Variants in ZNF668 observed in about 807,000 individuals in gnomAD.
The protein encoded by ZNF668 is zinc finger protein 668.
In ZNF668, 10 loss-of-function variants were observed where a neutral mutation model predicts 40.3. The observed-to-expected ratio is 0.25, with a 90% CI of 0.15 to 0.42. The LOEUF is 0.42. Among genes scored for constraint, ZNF668 ranks in the 10% least tolerant of loss-of-function variants. The probability of loss-of-function intolerance (pLI) is 1.00; values close to 1 mark genes in which losing one functional copy is unlikely to be tolerated. For missense variants in ZNF668, 749 were observed against 904.6 expected (o/e 0.83, Z 2.21); for synonymous variants, 428 against 384.6 (o/e 1.11, Z -1.32).
At chr16:31,063,601 C>T (rs1017616339) in intron 2 of ZNF668, among the ~76,000 whole-genome samples, 6 of 152,230 alleles carry the variant, frequency 3.9e-5, no homozygotes, top group Admixed American at 1.3e-4. Context: ...CTGACCCAAT[C>T]CCATTCTCAG....
chr16:31,065,136 G>A, intron 1 of ZNF668: 1 of 1,001,956 alleles, frequency 1.0e-6, no homozygotes, highest in South Asian at 4.3e-5. Context: ...CACAACTCTG[G>A]TAATGGAGAA....
intron 1 of ZNF668, chr16:31,066,358 C>T (rs769863048): frequency 1.2e-4 from 117 of 985,256 alleles, no homozygotes; most frequent in Non-Finnish European, 1.3e-4. Flanking sequence ...CCACAAAACT[C>T]CATCTTATTC....
intron 1 of ZNF668, among the ~76,000 whole-genome samples, chr16:31,070,243 T>A (rs1005704739): frequency 2.0e-5 from 3 of 149,216 alleles, no homozygotes; most frequent in Non-Finnish European, 3.0e-5. Flanking sequence ...AGTCTTACTC[T>A]GTCCCCCAGG....
chr16:31,064,115 G>T lies in ZNF668; in HGVS notation c.345C>A (p.Pro115=). Residue 115 remains proline (P), a synonymous_variant, in exon 2 of 3, where the codon CCC becomes CCA. Coordinates refer to ENST00000300849, the MANE Select transcript of ZNF668 (RefSeq NM_024706.5). The stretch of plus-strand genomic sequence containing the variant: ...GCTGCATGAAGCGGCGGCCGCACTC[G>T]GGGCACGGAAAGGGCTTCTCCCCCG... ...SHTGEKPFPC[P]ECGRRFMQPV... 1 of 1,605,606 alleles carries T rather than the reference G, an allele frequency of 6.2e-7. No homozygotes were observed.
chr16:31,067,332 T>C (rs1345244716), intron 1 of ZNF668, among the ~76,000 whole-genome samples: 1 of 152,200 alleles, frequency 6.6e-6, no homozygotes, highest in Non-Finnish European at 1.5e-5. Context: ...TTACCCTTCA[T>C]GGCAACCCCA....
intron 1 of ZNF668, chr16:31,065,905 G>T: frequency 7.8e-6 from 3 of 386,772 alleles, no homozygotes; most frequent in Non-Finnish European, 3.5e-6. Flanking sequence ...GTTAGGGGTT[G>T]GTGGCTTCTA....
At position 31,061,689 on chromosome 16, in the gene ZNF668, G is replaced by C. The variant is rs753443157; in HGVS notation, c.1239C>G (p.Thr413=). 1 of 1,613,422 alleles carries C rather than the reference G, an allele frequency of 6.2e-7. No homozygotes were observed. The highest frequency in any genetic ancestry group is 8.5e-7 in the Non-Finnish European group (1 of 1,179,922). ...VSSSLRKHER[T]HRSSEAAGVP... The stretch of plus-strand genomic sequence containing the variant: ...CACCCGCGGCCTCACTGCTTCGATG[G>C]GTCCGCTCGTGCTTCCTCAGGCTCG... The change falls in exon 3 of 3, where the codon ACC becomes ACG. Residue 413 remains threonine (T), a synonymous_variant. Coordinates refer to ENST00000300849, the MANE Select transcript of ZNF668 (RefSeq NM_024706.5). This position sits in a 1 kb window ranked among gnomAD's most constrained non-coding sequence, Gnocchi z 7.7.
chr16:31,068,220 T>TAAAAAAAAAAAAA lies in ZNF668; in HGVS notation c.-22-3752_-22-3740dup, dbSNP rs767511878. ...AGGTCTCTGTCTAACATCCCACCATTAAAAAAAAAAAAAAAAAAAATATAT... is the reference window on the plus strand; with the variant it reads ...AGGTCTCTGTCTAACATCCCACCATTAAAAAAAAAAAAAAAAAAAAAAAAAAAAAAAAATATAT... On this transcript the variant is annotated intron_variant, in intron 1 of 2. Transcript: ENST00000300849. 2.6e-3 allele frequency among the ~76,000 whole-genome samples: 24 copies of TAAAAAAAAAAAAA among 9,376 alleles called. 9 individuals are homozygous for TAAAAAAAAAAAAA. Among genetic ancestry groups the TAAAAAAAAAAAAA allele is most frequent in the Admixed American group, 0.011 (4 of 348 alleles). The allele number at this position is 9,376 out of a possible 152,430, so 6.2% of individuals were successfully genotyped here.
In ZNF668 at chr16:31,061,781, T is replaced by A. The variant is rs1293106760; in HGVS notation, c.1147A>T (p.Ser383Cys). The change falls in exon 3 of 3, where the codon AGC (serine) becomes TGC (cysteine). Residue 383 changes from serine to cysteine, a missense_variant. Transcript: ENST00000300849. The surrounding 1 kb of genome is among the most constrained non-coding windows in gnomAD (Gnocchi z 7.7). ...GGGCGCTCCCCCGAGTGCACCCGGC[T>A]ATGCTTCGTGAGGCTGGCACGCTCG... ...FAERASLTKH[S>C]RVHSGERPFH... The A allele has an allele frequency of 1.2e-6, 2 of 1,610,460 alleles. No individual in the cohort carries two copies. Among genetic ancestry groups the A allele is most frequent in the Non-Finnish European group, 1.7e-6 (2 of 1,179,276 alleles).
rs1276350230 is a variant in ZNF668, at chr16:31,061,333, C to T, written c.1595G>A (p.Arg532His). The change falls in exon 3 of 3, where the codon CGT becomes CAT. Residue 532 changes from arginine to histidine, a missense_variant. This residue lies in a region of ZNF668 where 310 missense variants were observed against 355.1 expected (regional missense o/e 0.87). Coordinates refer to ENST00000300849, the MANE Select transcript of ZNF668 (RefSeq NM_024706.5). This position sits in a 1 kb window ranked among gnomAD's most constrained non-coding sequence, Gnocchi z 7.7. Reference protein sequence around the residue: ...KETFSTMTLLRRHERSHPELR... With the variant: ...KETFSTMTLLHRHERSHPELR... ...CTCCGGGTGTGAGCGCTCGTGCCGA[C>T]GCAGCAGCGTCATTGTGGAGAAGGT... 3 of 1,601,572 alleles carry T rather than the reference C, an allele frequency of 1.9e-6. No homozygotes were observed. The highest frequency in any genetic ancestry group is 1.1e-5 in the South Asian group (1 of 89,462).
chr16:31,068,354 C>G (rs2056993506), intron 1 of ZNF668, among the ~76,000 whole-genome samples: 1 of 146,196 alleles, frequency 6.8e-6, no homozygotes, highest in African/African-American at 2.5e-5. Context: ...TCCTGAGTAG[C>G]TGGGACTACA....
chr16:31,064,130 C>T lies in ZNF668; in HGVS notation c.330G>A (p.Lys110=). 3 of 1,607,246 alleles carry T rather than the reference C, an allele frequency of 1.9e-6. No individual in the cohort carries two copies. Among genetic ancestry groups the T allele is most frequent in the Non-Finnish European group, 2.5e-6 (3 of 1,178,382 alleles). Residue 110 remains lysine, a synonymous_variant, in exon 2 of 3, where the codon AAG becomes AAA. Coordinates refer to ENST00000300849, the MANE Select transcript of ZNF668 (RefSeq NM_024706.5). ...RSHGRSHTGE[K]PFPCPECGRR... is the part of the protein sequence containing the mutation. Reference sequence around the variant, plus strand: ...GGCCGCACTCGGGGCACGGAAAGGGCTTCTCCCCCGTGTGGCTGCGCCCGT... The same window carrying T: ...GGCCGCACTCGGGGCACGGAAAGGGTTTCTCCCCCGTGTGGCTGCGCCCGT...
In ZNF668 at chr16:31,061,220, G is replaced by C; in HGVS notation, c.1708C>G (p.Arg570Gly). 1 of 1,529,146 alleles carries C rather than the reference G, an allele frequency of 6.5e-7. No homozygotes were observed. The highest frequency in any genetic ancestry group is 2.3e-5 in the East Asian group (1 of 44,216). 94.7% of individuals were successfully genotyped at this position (1,529,146 alleles called of 1,614,324 possible). The change falls in exon 3 of 3, where the codon CGC becomes GGC. Residue 570 changes from arginine (R) to glycine (G), a missense_variant. Around this residue, in one of 4 missense-constraint regions of ZNF668, gnomAD observed 310 missense variants for 355.1 expected, o/e 0.87. Transcript: ENST00000300849. The surrounding 1 kb of genome is among the most constrained non-coding windows in gnomAD (Gnocchi z 7.7). ...RKHSRTHSSV[R>G]PYTCPHCPKA... Reference sequence around the variant, plus strand: ...GGACAATGGGGGCAGGTGTAGGGGCGCACTGAGCTGTGAGTGCGGCTGTGT... The same window carrying C: ...GGACAATGGGGGCAGGTGTAGGGGCCCACTGAGCTGTGAGTGCGGCTGTGT...
intron 1 of ZNF668, among the ~76,000 whole-genome samples, chr16:31,065,759 C>T (rs931878176): frequency 2.6e-5 from 4 of 151,484 alleles, no homozygotes; most frequent in Non-Finnish European, 4.4e-5. Flanking sequence ...GAGGCTGAGG[C>T]AGGAGAATGG....
intron 1 of ZNF668, chr16:31,065,939 G>A: frequency 1.1e-5 from 9 of 787,956 alleles, no homozygotes; most frequent in Non-Finnish European, 1.4e-5. Flanking sequence ...GGGTTCAGGA[G>A]GAGGAAACTG....
Position 31,063,805 on chromosome 16 carries a change from A to T in ZNF668, c.647+8T>A. The T allele has an allele frequency of 1.3e-6, 2 of 1,552,302 alleles. 1 individual carries two copies. The stretch of plus-strand genomic sequence containing the variant: ...CGGAAGGCGCCCTGCCCCGGAAGGC[A>T]CCCTCACCGCTCATGGTTGCGGAGG... On this transcript the variant is annotated splice_region_variant and intron_variant, in intron 2 of 2. Transcript: ENST00000300849.
intron 1 of ZNF668, among the ~76,000 whole-genome samples, chr16:31,068,236 A>AT (rs2056991185): frequency 1.1e-5 from 1 of 91,422 alleles, no homozygotes; most frequent in African/African-American, 5.4e-5. Flanking sequence ...AAAAAAAAAA[A>AT]AAAATATATA....
At chr16:31,070,135 G>T (rs924867861) in intron 1 of ZNF668, among the ~76,000 whole-genome samples, 11 of 151,572 alleles carry the variant, frequency 7.3e-5, no homozygotes, top group Admixed American at 7.2e-4. Context: ...GGCCAGGATG[G>T]TCTCGATCTA....
chr16:31,067,558 A>G (rs2056987519), intron 1 of ZNF668, among the ~76,000 whole-genome samples: 1 of 152,192 alleles, frequency 6.6e-6, no homozygotes, highest in Admixed American at 6.5e-5. Context: ...GACAGTACTT[A>G]CCTGACAGAG....
Sources: gnomAD v4.1 joint callset for allele counts (sites outside exome capture counted in the v4.1 genomes callset) on GRCh38, gnomAD v4.1.1 for gene constraint, gnomAD v4.1.1 regional missense constraint, Gnocchi (gnomAD v3.1) non-coding constraint, MANE v1.5 for transcripts, NCBI Gene and HGNC (gene_info 2026-07-23, HGNC 2026-07-21) for gene names.